Variants in ZSCAN1 observed in about 807,000 individuals in gnomAD.
ZSCAN1 encodes the protein zinc finger and SCAN domain-containing protein 1.
ZSCAN1 carries 23 observed loss-of-function variants against 23.8 expected under a neutral mutation model. The observed-to-expected ratio is 0.97, with a 90% CI of 0.70 to 1.37. ZSCAN1 has a LOEUF of 1.37. Among genes scored for constraint, ZSCAN1 ranks in the 40% most tolerant of loss-of-function variants. The pLI, the probability that ZSCAN1 is intolerant of heterozygous loss-of-function variation, is 0.00. For synonymous variants in ZSCAN1, 236 were observed against 232.3 expected, an observed-to-expected ratio of 1.02 and a Z score of -0.15; for missense variants, 575 against 554.0, an observed-to-expected ratio of 1.04 and a Z score of -0.38.
rs57663643 is a variant in ZSCAN1 at position 58,037,700 on chromosome 19, A to AC, written c.-109-24dup. 9.1e-4 allele frequency: 1,001 copies of AC among 1,097,864 alleles called. 9 individuals are homozygous for AC. In the African/African-American group the frequency reaches 0.014, roughly 16 times the overall value. 68.0% of individuals were successfully genotyped at this position (1,097,864 alleles called of 1,614,324 possible). ...GTACAGAGGGCCACCATCTGATGTG[A>AC]CCCCTCTGTCCCTGCCCCTCTCTGC... On this transcript the variant is annotated intron_variant, in intron 2 of 5. Coordinates refer to ENST00000282326, the MANE Select transcript of ZSCAN1 (RefSeq NM_182572.4).
At chr19:58,034,377 G>A (rs1408919906) in intron 1 of ZSCAN1, among the ~76,000 whole-genome samples, 1 of 151,102 alleles carries the variant, frequency 6.6e-6, no homozygotes, top group African/African-American at 2.4e-5. Context: ...GGGGAGGGAA[G>A]GGGAAGGCTA....
At position 58,040,810 on chromosome 19, in the gene ZSCAN1, G is replaced by A. The variant is rs150688831; in HGVS notation, c.465+266G>A. ...GCCCCTCCTGTCCTTTCCCAGCCTC[G>A]CAGTTAAGACCCATCCTCCTGTGTC... On this transcript the variant is annotated intron_variant, in intron 4 of 5. Coordinates refer to ENST00000282326, the MANE Select transcript of ZSCAN1 (RefSeq NM_182572.4). The surrounding 1 kb of genome is among the most constrained non-coding windows in gnomAD (Gnocchi z 5.8). Among the ~76,000 whole-genome samples, 9 of 152,304 alleles carry A rather than the reference G, an allele frequency of 5.9e-5. No homozygotes were observed. The highest frequency in any genetic ancestry group is 1.9e-4 in the African/African-American group (8 of 41,572).
chr19:58,039,064 G>A lies in ZSCAN1; in HGVS notation c.370+858G>A, dbSNP rs559084117. Among the ~76,000 whole-genome samples the A allele has an allele frequency of 8.4e-4, 128 of 152,330 alleles. No homozygotes were observed. The South Asian group carries it at 8.9e-3, about 11-fold the overall frequency. On this transcript the variant is annotated intron_variant, in intron 3 of 5. Coordinates refer to ENST00000282326, the MANE Select transcript of ZSCAN1 (RefSeq NM_182572.4). The stretch of plus-strand genomic sequence containing the variant: ...TGCACCCTCCCACTACAGCATTTCC[G>A]TAGACCAACAGTGATAAGCAGTTTG...
At position 58,054,494 on chromosome 19, in the gene ZSCAN1, C is replaced by A. The variant is rs955699052; in HGVS notation, c.*443C>A. On this transcript the variant is annotated 3_prime_UTR_variant, in exon 6 of 6. Coordinates refer to ENST00000282326, the MANE Select transcript of ZSCAN1 (RefSeq NM_182572.4). This position sits in a 1 kb window ranked among gnomAD's most constrained non-coding sequence, Gnocchi z 4.2. ...CAACTCCAGAGAAGGGTACAGCTGA[C>A]CCCGGCTGCCCTCCTGCCAGCTTAG... 1 of 161,696 alleles carries A rather than the reference C, an allele frequency of 6.2e-6. No homozygotes were observed. Among genetic ancestry groups the A allele is most frequent in the Non-Finnish European group, 1.3e-5 (1 of 74,994 alleles). 10.0% of individuals were successfully genotyped at this position (161,696 alleles called of 1,614,324 possible). A position where few individuals can be genotyped will look rare whatever the true frequency, so the allele number is the denominator to read the frequency against.
intron 2 of ZSCAN1, among the ~76,000 whole-genome samples, chr19:58,036,365 C>T (rs991681645): frequency 3.3e-5 from 5 of 152,190 alleles, no homozygotes; most frequent in Admixed American, 2.6e-4. Context: ...TTCTCACCAG[C>T]GGATCAGTCC....
At chr19:58,042,350 C>T (rs528795372) in intron 4 of ZSCAN1, among the ~76,000 whole-genome samples, 4 of 151,668 alleles carry the variant, frequency 2.6e-5, no homozygotes, top group South Asian at 2.1e-4. Flanking sequence ...CTCTGCCTCC[C>T]GGGTTCACGC....
intron 4 of ZSCAN1, among the ~76,000 whole-genome samples, chr19:58,041,781 T>C (rs909748799): frequency 6.6e-6 from 1 of 151,828 alleles, no homozygotes; most frequent in African/African-American, 2.4e-5. Flanking sequence ...GAGGCTGAGG[T>C]AGGAGGATCA....
chr19:58,048,658 A>T (rs559231706), intron 4 of ZSCAN1, among the ~76,000 whole-genome samples: 39 of 152,304 alleles, frequency 2.6e-4, no homozygotes, highest in African/African-American at 8.7e-4. Context: ...GGGTTTCATT[A>T]TGTTGGCCAG....
Position 58,037,889 on chromosome 19 carries a change from C to T in ZSCAN1, c.53C>T (p.Thr18Ile). The part of the protein sequence containing the change: ...PASPRRPQTP[T>I]PSEQDADPGP... The stretch of plus-strand genomic sequence containing the variant: ...TCCCCCAGACGCCCCCAGACCCCAA[C>T]CCCGAGTGAGCAGGACGCAGACCCT... Residue 18 changes from threonine (T) to isoleucine (I), a missense_variant, in exon 3 of 6, where the codon ACC becomes ATC. By Grantham distance (89) the Thr-to-Ile change is moderately conservative. Transcript: ENST00000282326. The T allele has an allele frequency of 6.4e-7, 1 of 1,552,934 alleles. No individual in the cohort carries two copies. The highest frequency in any genetic ancestry group is 8.7e-7 in the Non-Finnish European group (1 of 1,149,916).
intron 4 of ZSCAN1, chr19:58,046,120 C>T (rs2073823768): frequency 1.4e-6 from 1 of 702,198 alleles, no homozygotes; most frequent in Admixed American, 2.1e-5. Flanking sequence ...TGACACTGTC[C>T]TGCAGTCAGA....
downstream of ZSCAN1, among the ~76,000 whole-genome samples, chr19:58,055,095 T>C (rs952913684): frequency 1.5e-4 from 23 of 152,186 alleles, no homozygotes; most frequent in Non-Finnish European, 1.5e-5. Context: ...AGTTTTTGCC[T>C]TTTTCTTTTT....
intron 3 of ZSCAN1, 105 bp downstream of exon 3, chr19:58,038,311 C>A: frequency 7.0e-7 from 1 of 1,424,430 alleles, no homozygotes; most frequent in Non-Finnish European, 9.4e-7. Context: ...CCCTGCCCGG[C>A]CCCTCCCGAC....
chr19:58,038,004 G>A lies in ZSCAN1; in HGVS notation c.168G>A (p.Leu56=), dbSNP rs76463384. 5.1e-3 allele frequency: 8,224 copies of A among 1,610,072 alleles called. 305 individuals are homozygous for A. The African/African-American group carries it at 0.088, about 17-fold the overall frequency. ...YHVASGPHLA[L]GQLWTLCRQW... ...TGGCGAGCGGGCCGCACCTCGCGCTGGGCCAGCTCTGGACGCTGTGCCGCC... is the reference window on the plus strand; with the variant it reads ...TGGCGAGCGGGCCGCACCTCGCGCTAGGCCAGCTCTGGACGCTGTGCCGCC... Residue 56 remains leucine, a synonymous_variant, in exon 3 of 6, where the codon CTG becomes CTA. Coordinates refer to ENST00000282326, the MANE Select transcript of ZSCAN1 (RefSeq NM_182572.4).
intron 4 of ZSCAN1, among the ~76,000 whole-genome samples, chr19:58,043,192 AC>A (rs2123428179): frequency 6.6e-6 from 1 of 152,384 alleles, no homozygotes; most frequent in Non-Finnish European, 1.5e-5. Flanking sequence ...AGTGGGCACG[AC>A]TGGCGATCGC....
chr19:58,056,501 C>T (rs2123450909), downstream of ZSCAN1, among the ~76,000 whole-genome samples: 1 of 152,358 alleles, frequency 6.6e-6, no homozygotes, highest in South Asian at 2.1e-4. Flanking sequence ...CTGCAGTTTC[C>T]AGCCGGGGAA....
rs1324185770 is a variant in ZSCAN1, at chr19:58,038,082, G to A, written c.246G>A (p.Val82=). 6.2e-7 allele frequency: 1 copy of A among 1,611,660 alleles called. No individual in the cohort carries two copies. Among genetic ancestry groups the A allele is most frequent in the East Asian group, 2.2e-5 (1 of 44,866 alleles). ...AGGAGCAGATGCTGGAGCTGCTGGT[G>A]CTGGAGCAGTTCCTGGGCGCGCTGC... ...RSKEQMLELL[V]LEQFLGALPS... The change falls in exon 3 of 6, where the codon GTG becomes GTA. Residue 82 remains valine (V), a synonymous_variant. Coordinates refer to ENST00000282326, the MANE Select transcript of ZSCAN1 (RefSeq NM_182572.4).
Position 58,052,643 on chromosome 19 carries a change from T to G in ZSCAN1, c.604+15T>G, listed in dbSNP as rs766264366. ...TGGCTTGCTGGGTGAGTCTGGCTCC[T>G]GTGTGGATTAAGGGTTGGAAATGGA... On this transcript the variant is annotated intron_variant, in intron 5 of 5. Transcript: ENST00000282326. 6.3e-7 allele frequency: 1 copy of G among 1,578,492 alleles called. No individual in the cohort carries two copies. The highest frequency in any genetic ancestry group is 1.2e-5 in the South Asian group (1 of 86,132).
intron 1 of ZSCAN1, 57 bp from the exon 2 acceptor site, chr19:58,035,913 G>A (rs1296071149): frequency 6.7e-6 from 1 of 149,514 alleles, no homozygotes; most frequent in African/African-American, 2.5e-5. Flanking sequence ...TTCCCATATG[G>A]TCAAAAATCC....
At chr19:58,051,910 G>A (rs959349078) in intron 4 of ZSCAN1, among the ~76,000 whole-genome samples, 1 of 152,236 alleles carries the variant, frequency 6.6e-6, no homozygotes, top group Non-Finnish European at 1.5e-5. Context: ...TTCAACCACA[G>A]CTCAGTCTCC....
Sources: gnomAD v4.1 joint callset for allele counts (sites outside exome capture counted in the v4.1 genomes callset) on GRCh38, gnomAD v4.1.1 for gene constraint, Gnocchi (gnomAD v3.1) non-coding constraint, MANE v1.5 for transcripts, NCBI Gene and HGNC (gene_info 2026-07-23, HGNC 2026-07-21) for gene names.